The following PLCH1 variants were observed in gnomAD, a reference collection of about 807,000 sequenced individuals.
PLCH1 encodes phospholipase C eta 1, also known as 1-phosphatidylinositol 4,5-bisphosphate phosphodiesterase eta-1.
In PLCH1, 60 loss-of-function variants were observed where a neutral mutation model predicts 126.7. The observed-to-expected ratio is 0.47, with a 90% CI of 0.38 to 0.59. The LOEUF (loss-of-function observed/expected upper bound fraction) is 0.59. Ranked by LOEUF, PLCH1 falls within the 20% of genes least tolerant of loss-of-function variation. PLCH1 has a pLI of 0.00. For missense variants in PLCH1, 1,723 were observed against 2,040.0 expected, an observed-to-expected ratio of 0.84 and a Z score of 2.99; for synonymous variants, 719 against 734.9, an observed-to-expected ratio of 0.98 and a Z score of 0.35.
At chr3:155,684,918 C>T (rs1480748531) in intron 2 of PLCH1, among the ~76,000 whole-genome samples, 1 of 152,064 alleles carries the variant, frequency 6.6e-6, no homozygotes, top group Non-Finnish European at 1.5e-5. Context: ...ATTATTTCCC[C>T]CTAACAGTAC....
chr3:155,576,438 T>G (rs968397996), intron 6 of PLCH1, among the ~76,000 whole-genome samples: 11 of 152,178 alleles, frequency 7.2e-5, no homozygotes, highest in African/African-American at 2.4e-4. Context: ...ACAGCCGTGT[T>G]TTAAGAATGA....
chr3:155,539,686 G>C (rs530040277), intron 10 of PLCH1, among the ~76,000 whole-genome samples: 1 of 152,102 alleles, frequency 6.6e-6, no homozygotes, highest in South Asian at 2.1e-4. Flanking sequence ...TAAACAAAGA[G>C]GTGAAAGATA....
chr3:155,551,748 C>A (rs1274961128), intron 9 of PLCH1, among the ~76,000 whole-genome samples: 1 of 149,174 alleles, frequency 6.7e-6, no homozygotes, highest in African/African-American at 2.5e-5. Flanking sequence ...GGTTGAGAAA[C>A]CCTGATATAA....
intron 14 of PLCH1, among the ~76,000 whole-genome samples, chr3:155,497,696 A>G (rs932714270): frequency 1.3e-5 from 2 of 152,156 alleles, no homozygotes; most frequent in Non-Finnish European, 2.9e-5. Context: ...TGGAAATTTC[A>G]GAAATAAACA....
At chr3:155,530,356 C>G (rs6768491) in intron 10 of PLCH1, among the ~76,000 whole-genome samples, 4,917 of 148,638 alleles carry the variant, frequency 0.033, 293 homozygotes, top group African/African-American at 0.12. Context: ...GATGGAGTCT[C>G]GCTCTGTCGC....
intron 1 of PLCH1, among the ~76,000 whole-genome samples, chr3:155,706,910 A>T (rs933059890): frequency 1.3e-5 from 2 of 152,272 alleles, no homozygotes. Context: ...AACAGCCAGC[A>T]TCAGCCACAG....
chr3:155,566,718 C>T (rs1728589344), intron 7 of PLCH1, among the ~76,000 whole-genome samples: 1 of 151,904 alleles, frequency 6.6e-6, no homozygotes, highest in Admixed American at 6.6e-5. Flanking sequence ...TTTAGAAAAC[C>T]CTATCAGTTT....
intron 1 of PLCH1, among the ~76,000 whole-genome samples, chr3:155,715,606 C>CT (rs763813354): frequency 0.024 from 2,946 of 122,728 alleles, 59 homozygotes; most frequent in African/African-American, 0.033. Context: ...CATCTGGCCT[C>CT]TTTTTTTTTT....
At position 155,470,446 on chromosome 3, in the gene PLCH1, C is replaced by A. The variant is rs978529993; in HGVS notation, c.2938+14910G>T. 2.8e-3 allele frequency among the ~76,000 whole-genome samples: 425 copies of A among 152,216 alleles called. 3 individuals are homozygous for A. The highest frequency in any genetic ancestry group is 1.0e-2 in the African/African-American group (414 of 41,526). Reference sequence around the variant, plus strand: ...CTATGTGAAAAGACCAAATCTACATCTGATTGGTGTACCTGAAAGTGATGG... The same window carrying A: ...CTATGTGAAAAGACCAAATCTACATATGATTGGTGTACCTGAAAGTGATGG... On this transcript the variant is annotated intron_variant, in intron 21 of 21. Coordinates refer to the PLCH1 transcript ENST00000494598.
chr3:155,626,850 T>G (rs1471754553), intron 2 of PLCH1, among the ~76,000 whole-genome samples: 1 of 147,656 alleles, frequency 6.8e-6, no homozygotes, highest in Non-Finnish European at 1.5e-5. Context: ...TATAAACCAT[T>G]CAAAACAATA....
intron 10 of PLCH1, among the ~76,000 whole-genome samples, chr3:155,532,691 T>C (rs575170338): frequency 1.3e-5 from 2 of 152,320 alleles, no homozygotes; most frequent in Admixed American, 1.3e-4. Flanking sequence ...CCTTCTGCCA[T>C]GATTGTAAGT....
chr3:155,663,296 T>C (rs1321955594), intron 2 of PLCH1, among the ~76,000 whole-genome samples: 1 of 152,244 alleles, frequency 6.6e-6, no homozygotes, highest in Admixed American at 6.5e-5. Context: ...TCTACAAAAA[T>C]CTATGTATAT....
chr3:155,731,616 A>G (rs912722963), intron 1 of PLCH1, among the ~76,000 whole-genome samples: 1 of 152,222 alleles, frequency 6.6e-6, no homozygotes, highest in Admixed American at 6.5e-5. Flanking sequence ...ACACAAAGTC[A>G]GTCTACAAAG....
chr3:155,710,869 G>T (rs1278237397), intron 1 of PLCH1, among the ~76,000 whole-genome samples: 2 of 148,030 alleles, frequency 1.4e-5, no homozygotes, highest in African/African-American at 2.5e-5. Context: ...AAATATAGCT[G>T]CATGTTTACA....
chr3:155,462,574 T>C (rs191907518), intron 21 of PLCH1, among the ~76,000 whole-genome samples: 115 of 152,288 alleles, frequency 7.6e-4, no homozygotes, highest in Admixed American at 3.8e-3. Flanking sequence ...TATCTTGTTC[T>C]CGTACAACAT....
intron 21 of PLCH1, among the ~76,000 whole-genome samples, chr3:155,467,260 A>AT (rs993755795): frequency 2.0e-5 from 3 of 151,966 alleles, no homozygotes; most frequent in African/African-American, 4.8e-5. Flanking sequence ...TGACCAAAAA[A>AT]AAAAAATAAA....
At chr3:155,641,974 A>C (rs956399726) in intron 2 of PLCH1, among the ~76,000 whole-genome samples, 1 of 152,206 alleles carries the variant, frequency 6.6e-6, no homozygotes, top group Non-Finnish European at 1.5e-5. Context: ...ATGGATCAAG[A>C]GTAATTGTTC....
rs16825119 is a variant in PLCH1, at chr3:155,597,280, T to G, written c.80-902A>C. Among the ~76,000 whole-genome samples the G allele has an allele frequency of 5.9e-3, 902 of 152,314 alleles. 10 individuals are homozygous for G. Among genetic ancestry groups the G allele is most frequent in the African/African-American group, 0.021 (872 of 41,572 alleles). On this transcript the variant is annotated intron_variant, in intron 2 of 22. Coordinates refer to ENST00000460012, the MANE Select transcript of PLCH1 (RefSeq NM_014996.4). ...ACATAAATCCTGAGCATATCATTGC[T>G]TGAAAACAGAACTGAACCATTCAAC...
At chr3:155,710,087 A>G (rs893316376) in intron 1 of PLCH1, among the ~76,000 whole-genome samples, 1 of 152,176 alleles carries the variant, frequency 6.6e-6, no homozygotes, top group African/African-American at 2.4e-5. Context: ...TCCCAGGTTC[A>G]AGCAATTCTT....
Sources: allele counts gnomAD v4.1 joint callset (sites outside exome capture counted in the v4.1 genomes callset), GRCh38; gene constraint gnomAD v4.1.1; transcripts MANE v1.5; gene names NCBI Gene and HGNC (gene_info 2026-07-23, HGNC 2026-07-21).